MAGI2: variants seen among roughly 807,000 people sequenced by gnomAD.
The protein encoded by MAGI2 is membrane-associated guanylate kinase, WW and PDZ domain-containing protein 2.
In MAGI2, 35 loss-of-function variants were observed where a neutral mutation model predicts 133.3. The observed-to-expected ratio is 0.26, with a 90% CI of 0.20 to 0.35. The LOEUF (loss-of-function observed/expected upper bound fraction) is 0.35. Among genes scored for constraint, MAGI2 ranks in the 10% least tolerant of loss-of-function variants. The pLI, the probability that MAGI2 is intolerant of heterozygous loss-of-function variation, is 1.00. For synonymous variants in MAGI2, 729 were observed against 710.6 expected (o/e 1.03, Z -0.41); for missense variants, 1,636 against 1,863.4 (o/e 0.88, Z 2.25).
chr7:78,466,081 G>A (rs1790597348), intron 6 of MAGI2, among the ~76,000 whole-genome samples: 1 of 151,936 alleles, frequency 6.6e-6, no homozygotes, highest in African/African-American at 2.4e-5. Flanking sequence ...TGCTAATCAG[G>A]GCCTGCATCA....
intron 2 of MAGI2, among the ~76,000 whole-genome samples, chr7:78,928,003 T>C (rs555915086): frequency 2.6e-5 from 4 of 152,078 alleles, no homozygotes; most frequent in South Asian, 4.1e-4. Context: ...TGGGAACATA[T>C]TTCAAAAGTT....
chr7:78,424,143 C>T (rs1379780564), intron 6 of MAGI2, among the ~76,000 whole-genome samples: 2 of 152,064 alleles, frequency 1.3e-5, no homozygotes, highest in Non-Finnish European at 2.9e-5. Flanking sequence ...GGCCAAGGGT[C>T]CCCCTGCTGT....
chr7:78,332,967 T>C lies in MAGI2; in HGVS notation c.1408+10811A>G, dbSNP rs1027633335. Among the ~76,000 whole-genome samples, 4 of 152,224 alleles carry C rather than the reference T, an allele frequency of 2.6e-5. No homozygotes were observed. The South Asian group carries it at 6.2e-4, about 24-fold the overall frequency. ...GGCTAGAAATTTATTTTCTGACTTT[T>C]AGAGAGACCAAAATGTTTTCATTAG... On this transcript the variant is annotated intron_variant, in intron 9 of 21. Transcript: ENST00000354212.
intron 20 of MAGI2, among the ~76,000 whole-genome samples, chr7:78,085,810 G>T (rs1230579123): frequency 1.3e-5 from 2 of 148,322 alleles, no homozygotes; most frequent in African/African-American, 5.2e-5. Context: ...CTTGATGCAG[G>T]TGGTACGCCT....
intron 1 of MAGI2, among the ~76,000 whole-genome samples, chr7:79,422,863 G>C (rs1015821951): frequency 2.6e-5 from 4 of 152,000 alleles, no homozygotes; most frequent in Admixed American, 6.6e-5. Context: ...GTATAATGCT[G>C]AAACAAAAGG....
chr7:78,092,315 A>C (rs912701359), intron 20 of MAGI2, among the ~76,000 whole-genome samples: 1 of 152,234 alleles, frequency 6.6e-6, no homozygotes, highest in African/African-American at 2.4e-5. Context: ...TGATTTTTCT[A>C]TTGATATGCT....
chr7:78,845,288 G>C (rs999871751), intron 2 of MAGI2, among the ~76,000 whole-genome samples: 1 of 151,838 alleles, frequency 6.6e-6, no homozygotes, highest in African/African-American at 2.4e-5. Context: ...TTTATCATCT[G>C]CTAATATTAT....
chr7:78,459,857 T>C (rs763260225), intron 6 of MAGI2, among the ~76,000 whole-genome samples: 5 of 152,180 alleles, frequency 3.3e-5, no homozygotes, highest in South Asian at 2.1e-4. Flanking sequence ...AAGAAAAACA[T>C]AGAAGTACCT....
intron 9 of MAGI2, among the ~76,000 whole-genome samples, chr7:78,292,931 A>T (rs1410666072): frequency 6.6e-6 from 1 of 152,230 alleles, no homozygotes; most frequent in African/African-American, 2.4e-5. Context: ...ACAAAAATTA[A>T]TTCAAGATGG....
At chr7:78,219,136 G>A (rs746099146) in intron 10 of MAGI2, among the ~76,000 whole-genome samples, 92 of 152,050 alleles carry the variant, frequency 6.1e-4, no homozygotes, top group Admixed American at 9.2e-4. Context: ...TGAGATAAGG[G>A]TTCACTCCTG....
chr7:79,361,456 A>G (rs2129123123), intron 1 of MAGI2, among the ~76,000 whole-genome samples: 1 of 152,278 alleles, frequency 6.6e-6, no homozygotes, highest in South Asian at 2.1e-4. Flanking sequence ...ATGCCCAAAT[A>G]TCGTATTTTC....
At chr7:78,197,346 A>C (rs1482297199) in intron 11 of MAGI2, among the ~76,000 whole-genome samples, 1 of 152,212 alleles carries the variant, frequency 6.6e-6, no homozygotes, top group Non-Finnish European at 1.5e-5. Context: ...AAAGTAAATA[A>C]ATTAGAAATA....
chr7:78,565,176 T>G (rs1183238183), intron 3 of MAGI2, among the ~76,000 whole-genome samples: 1 of 151,962 alleles, frequency 6.6e-6, no homozygotes, highest in Non-Finnish European at 1.5e-5. Context: ...ATTTTAAAAA[T>G]TAGCACCAGG....
chr7:78,061,451 C>T (rs1421083771), intron 21 of MAGI2, among the ~76,000 whole-genome samples: 1 of 146,678 alleles, frequency 6.8e-6, no homozygotes, highest in African/African-American at 2.6e-5. Flanking sequence ...CACACACACA[C>T]ACACACGAGT....
At chr7:79,380,589 C>G (rs1235638455) in intron 1 of MAGI2, among the ~76,000 whole-genome samples, 1 of 151,766 alleles carries the variant, frequency 6.6e-6, no homozygotes, top group African/African-American at 2.4e-5. Flanking sequence ...GGCATAACAG[C>G]TGAATTTGAA....
chr7:79,329,902 C>T (rs974164397), intron 1 of MAGI2, among the ~76,000 whole-genome samples: 16 of 152,016 alleles, frequency 1.1e-4, no homozygotes, highest in Non-Finnish European at 1.5e-4. Context: ...TTCTGAATTC[C>T]AACCCGGTTA....
At chr7:78,659,374 G>A (rs1183460764) in intron 2 of MAGI2, among the ~76,000 whole-genome samples, 1 of 125,164 alleles carries the variant, frequency 8.0e-6, no homozygotes, top group Non-Finnish European at 1.6e-5. Flanking sequence ...GCAGTGAGCC[G>A]AGATCGTGCC....
chr7:78,888,107 T>G (rs1796417108), intron 2 of MAGI2, among the ~76,000 whole-genome samples: 1 of 152,196 alleles, frequency 6.6e-6, no homozygotes, highest in Non-Finnish European at 1.5e-5. Context: ...CAGAGGATTC[T>G]ACACCCACAG....
intron 1 of MAGI2, among the ~76,000 whole-genome samples, chr7:79,068,804 G>C (rs111438787): frequency 0.064 from 9,659 of 152,108 alleles, 1,012 homozygotes; most frequent in African/African-American, 0.22. Context: ...GTTTTCATTG[G>C]TTTCAAATAA....
Sources: gnomAD v4.1 joint callset for allele counts (sites outside exome capture counted in the v4.1 genomes callset) on GRCh38, gnomAD v4.1.1 for gene constraint, MANE v1.5 for transcripts, NCBI Gene and HGNC (gene_info 2026-07-23, HGNC 2026-07-21) for gene names.